Variants in FXR1 observed in about 807,000 individuals in gnomAD.
FXR1 encodes RNA-binding protein FXR1.
Under a neutral mutation model 84.0 loss-of-function variants are expected in FXR1, and 15 were observed. The observed-to-expected ratio is 0.18, with a 90% CI of 0.12 to 0.27. The LOEUF is 0.27. FXR1 is among the 10% of genes least tolerant of loss of function. The pLI, the probability that FXR1 is intolerant of heterozygous loss-of-function variation, is 1.00. For synonymous variants in FXR1, 245 were observed against 250.7 expected (o/e 0.98, Z 0.21); for missense variants, 480 against 774.4 (o/e 0.62, Z 4.51).
intron 3 of FXR1, among the ~76,000 whole-genome samples, chr3:180,941,786 A>G (rs1434234017): frequency 2.6e-5 from 4 of 152,202 alleles, no homozygotes; most frequent in African/African-American, 7.2e-5. Context: ...GTCAGCCTTA[A>G]AGGTGAATGA....
intron 3 of FXR1, among the ~76,000 whole-genome samples, chr3:180,943,699 G>A (rs141245607): frequency 6.6e-6 from 1 of 152,260 alleles, no homozygotes; most frequent in East Asian, 1.9e-4. Context: ...GCATTTCATC[G>A]TTCAGTGAGA....
At chr3:180,931,204 C>G (rs963441683) in intron 1 of FXR1, among the ~76,000 whole-genome samples, 2 of 151,882 alleles carry the variant, frequency 1.3e-5, no homozygotes, top group African/African-American at 2.4e-5. Context: ...AAGGCAGGAG[C>G]TACTATAGCA....
Position 180,953,833 on chromosome 3 carries a change from T to G in FXR1, c.873T>G (p.Asn291Lys). Residue 291 changes from asparagine to lysine, a missense_variant, in exon 9 of 17, where the codon AAT becomes AAG. By Grantham distance (94) the Asn-to-Lys change is moderately conservative (BLOSUM62 0). Coordinates refer to ENST00000357559, the MANE Select transcript of FXR1 (RefSeq NM_005087.4). Reference protein sequence around the residue: ...FVEDFIQVPRNLVGKVIGKNG... With the variant: ...FVEDFIQVPRKLVGKVIGKNG... ...AGGATTTTATTCAGGTTCCTAGGAA[T>G]CTCGTTGGTAGGTACTTTTACTAAA... 1 of 1,523,434 alleles carries G rather than the reference T, an allele frequency of 6.6e-7. No homozygotes were observed. Among genetic ancestry groups the G allele is most frequent in the East Asian group, 2.3e-5 (1 of 44,380 alleles). 94.4% of individuals were successfully genotyped at this position (1,523,434 alleles called of 1,614,324 possible).
At chr3:180,930,015 C>G (rs1238153602) in intron 1 of FXR1, among the ~76,000 whole-genome samples, 1 of 152,224 alleles carries the variant, frequency 6.6e-6, no homozygotes, top group Non-Finnish European at 1.5e-5. Flanking sequence ...CCTGTAATCC[C>G]AGCACTTTGG....
chr3:180,939,049 A>C (rs112377358), intron 3 of FXR1, among the ~76,000 whole-genome samples: 10,288 of 151,598 alleles, frequency 0.068, 997 homozygotes, highest in African/African-American at 0.22. Context: ...TGTGAGCCAC[A>C]ATGCCCAGCT....
At chr3:180,944,267 C>A (rs978131320) in intron 3 of FXR1, among the ~76,000 whole-genome samples, 1 of 151,682 alleles carries the variant, frequency 6.6e-6, no homozygotes, top group Non-Finnish European at 1.5e-5. Flanking sequence ...CATCACTGAT[C>A]GTTTACCAAA....
At chr3:180,961,614 G>C in intron 11 of FXR1, 60 bp downstream of exon 11, 2 of 747,950 alleles carry the variant, frequency 2.7e-6, no homozygotes, top group Non-Finnish European at 4.6e-6. Context: ...CATAAATGTT[G>C]TACATTTGCT....
At chr3:180,957,395 A>T (rs1406819158) in intron 9 of FXR1, 1 of 152,746 alleles carries the variant, frequency 6.5e-6, no homozygotes, top group Non-Finnish European at 1.5e-5. Context: ...AAACTTGAAA[A>T]TAAAAGCAAG....
rs1413606097 is a variant in FXR1, at chr3:180,970,351, T to C, written c.1596T>C (p.Asn532=). Residue 532 remains asparagine, a synonymous_variant, in exon 15 of 17, where the codon AAT becomes AAC. Transcript: ENST00000357559. ...CTGATACAGCTTCAGTTAATGAAAA[T>C]GGGCTAGGTATGTAAGCACTTAGGG... ...TESDTASVNE[N]GLVTVADYIS... The C allele has an allele frequency of 6.9e-7, 1 of 1,445,926 alleles. No homozygotes were observed. Among genetic ancestry groups the C allele is most frequent in the Non-Finnish European group, 9.6e-7 (1 of 1,042,048 alleles). The allele number at this position is 1,445,926 out of a possible 1,614,324, so 89.6% of individuals were successfully genotyped here.
chr3:180,962,415 A>G (rs1386630978), intron 11 of FXR1, among the ~76,000 whole-genome samples: 1 of 152,190 alleles, frequency 6.6e-6, no homozygotes, highest in Non-Finnish European at 1.5e-5. Context: ...AATGACCTCA[A>G]TTTCTGAATG....
intron 1 of FXR1, among the ~76,000 whole-genome samples, chr3:180,916,837 C>A (rs138371754): frequency 6.6e-6 from 1 of 151,998 alleles, no homozygotes; most frequent in African/African-American, 2.4e-5. Context: ...GGTAGAGTTA[C>A]ATTTTTTTGT....
At chr3:180,931,534 C>T (rs574592428) in intron 1 of FXR1, among the ~76,000 whole-genome samples, 29 of 152,076 alleles carry the variant, frequency 1.9e-4, no homozygotes, top group Admixed American at 4.6e-4. Flanking sequence ...TAGCAATCTT[C>T]AAGAGAAAGA....
At chr3:180,926,439 C>A (rs1719186165) in intron 1 of FXR1, among the ~76,000 whole-genome samples, 3 of 144,832 alleles carry the variant, frequency 2.1e-5, no homozygotes, top group African/African-American at 5.1e-5. Context: ...TGGGTTAAGC[C>A]AAGGGTAGTT....
At chr3:180,921,838 T>G (rs1481130671) in intron 1 of FXR1, among the ~76,000 whole-genome samples, 1 of 152,184 alleles carries the variant, frequency 6.6e-6, no homozygotes, top group African/African-American at 2.4e-5. Context: ...TATTTTTTTT[T>G]CCCCTGGTTG....
intron 3 of FXR1, among the ~76,000 whole-genome samples, chr3:180,942,016 T>C (rs905195716): frequency 6.6e-6 from 1 of 152,118 alleles, no homozygotes; most frequent in East Asian, 1.9e-4. Flanking sequence ...AATGGAAATA[T>C]AGTTAATTTA....
chr3:180,935,689 A>G (rs182326296), intron 3 of FXR1, among the ~76,000 whole-genome samples: 2 of 152,280 alleles, frequency 1.3e-5, no homozygotes, highest in Admixed American at 1.3e-4. Flanking sequence ...GCCTTCTACA[A>G]TATTCTAGAA....
At chr3:180,912,946 A>C (rs993613811) in intron 1 of FXR1, among the ~76,000 whole-genome samples, 8 of 151,908 alleles carry the variant, frequency 5.3e-5, no homozygotes, top group Non-Finnish European at 1.2e-4. Context: ...AACACGTCGG[A>C]CACCTCTTGC....
intron 2 of FXR1, among the ~76,000 whole-genome samples, chr3:180,934,937 T>A (rs572648158): frequency 6.6e-6 from 1 of 152,334 alleles, no homozygotes; most frequent in African/African-American, 2.4e-5. Context: ...TTAACAATTA[T>A]GTTAATTATG....
At chr3:180,956,907 A>C (rs1722796201) in intron 9 of FXR1, among the ~76,000 whole-genome samples, 1 of 152,160 alleles carries the variant, frequency 6.6e-6, no homozygotes, top group South Asian at 2.1e-4. Flanking sequence ...CTTTCAACCA[A>C]GGTTTAAGTT....
Sources: gnomAD v4.1 joint callset for allele counts (sites outside exome capture counted in the v4.1 genomes callset) on GRCh38, gnomAD v4.1.1 for gene constraint, MANE v1.5 for transcripts, NCBI Gene and HGNC (gene_info 2026-07-23, HGNC 2026-07-21) for gene names.